RAD51B: variants seen among roughly 807,000 people sequenced by gnomAD.
The protein encoded by RAD51B is DNA repair protein RAD51 homolog 2.
A neutral mutation model predicts 42.2 loss-of-function variants in RAD51B; 38 were observed. The observed-to-expected ratio is 0.90, with a 90% CI of 0.70 to 1.18. RAD51B has a LOEUF of 1.18. Ranked by LOEUF, RAD51B falls within the 50% of genes most tolerant of loss-of-function variation. RAD51B has a pLI of 0.00. For synonymous variants in RAD51B, 154 were observed against 145.2 expected (o/e 1.06, Z -0.43); for missense variants, 373 against 400.7 (o/e 0.93, Z 0.59).
chr14:68,392,290 G>GT (rs2083779584), intron 8 of RAD51B, among the ~76,000 whole-genome samples: 3 of 152,274 alleles, frequency 2.0e-5, no homozygotes, highest in Middle Eastern at 3.4e-3. Flanking sequence ...AGCAAACCCT[G>GT]TTTTTTTGGA....
intron 7 of RAD51B, among the ~76,000 whole-genome samples, chr14:68,281,849 C>T (rs182620896): frequency 6.6e-6 from 1 of 152,292 alleles, no homozygotes; most frequent in Non-Finnish European, 1.5e-5. Context: ...TCCTGAAAGC[C>T]TCACGTTTCC....
chr14:68,600,576 G>A (rs780138476), downstream of RAD51B, among the ~76,000 whole-genome samples: 28 of 152,266 alleles, frequency 1.8e-4, no homozygotes, highest in Admixed American at 4.6e-4. Context: ...CACCCGCTGG[G>A]GCCACAGTAG....
chr14:68,260,658 G>A (rs2080869482), intron 7 of RAD51B, among the ~76,000 whole-genome samples: 2 of 152,114 alleles, frequency 1.3e-5, no homozygotes, highest in South Asian at 2.1e-4. Flanking sequence ...ATCCCTCCGG[G>A]TATAGTCAAG....
chr14:67,842,331 T>C (rs2041457599), intron 4 of RAD51B, among the ~76,000 whole-genome samples: 1 of 152,172 alleles, frequency 6.6e-6, no homozygotes, highest in African/African-American at 2.4e-5. Context: ...AATCATATTG[T>C]CAGTGAAGAG....
intron 7 of RAD51B, among the ~76,000 whole-genome samples, chr14:68,089,388 G>A (rs899275318): frequency 5.9e-5 from 9 of 152,232 alleles, no homozygotes; most frequent in African/African-American, 2.2e-4. Flanking sequence ...AACGGACCCA[G>A]CTCGGAGTCC....
Position 68,478,003 on chromosome 14 carries a change from C to G in RAD51B, c.*339C>G. On this transcript the variant is annotated 3_prime_UTR_variant, in exon 11 of 11. Coordinates refer to ENST00000471583, the MANE Select transcript of RAD51B (RefSeq NM_133510.4). ...GTTTAACCACATTAATTAATTAAAG[C>G]CCACAATCCTCCTGGGGAGAGGAGG... 9.0e-7 allele frequency: 1 copy of G among 1,109,978 alleles called. No homozygotes were observed. Among genetic ancestry groups the G allele is most frequent in the Non-Finnish European group, 1.1e-6 (1 of 909,392 alleles). The allele number at this position is 1,109,978 out of a possible 1,614,324, so 68.8% of individuals were successfully genotyped here.
At chr14:68,389,936 T>C (rs549787831) in intron 8 of RAD51B, among the ~76,000 whole-genome samples, 2 of 152,336 alleles carry the variant, frequency 1.3e-5, no homozygotes, top group African/African-American at 4.8e-5. Flanking sequence ...AACCTAGGTA[T>C]TCTGCGAATA....
intron 7 of RAD51B, among the ~76,000 whole-genome samples, chr14:68,060,339 G>A (rs1383471832): frequency 1.3e-5 from 2 of 152,106 alleles, no homozygotes; most frequent in South Asian, 2.1e-4. Context: ...GTAAGTGGCC[G>A]ACTTCAGAAT....
At chr14:68,373,461 C>G (rs1464728146) in intron 8 of RAD51B, among the ~76,000 whole-genome samples, 2 of 152,104 alleles carry the variant, frequency 1.3e-5, no homozygotes, top group Non-Finnish European at 2.9e-5. Flanking sequence ...GAGTTTATGT[C>G]CTTTTCAGGG....
chr14:68,048,350 C>A (rs193271994), intron 7 of RAD51B, among the ~76,000 whole-genome samples: 218 of 152,280 alleles, frequency 1.4e-3, no homozygotes, highest in Non-Finnish European at 2.5e-3. Flanking sequence ...AGCCCTTTGT[C>A]AGATGAGTAG....
intron 11 of RAD51B, among the ~76,000 whole-genome samples, chr14:68,678,135 C>T (rs1301177582): frequency 3.3e-5 from 5 of 152,208 alleles, no homozygotes; most frequent in Non-Finnish European, 5.9e-5. Context: ...GGTTACATAG[C>T]TAATAAATGG....
At chr14:68,108,081 A>G (rs1473157104) in intron 7 of RAD51B, among the ~76,000 whole-genome samples, 1 of 151,892 alleles carries the variant, frequency 6.6e-6, no homozygotes, top group Admixed American at 6.6e-5. Flanking sequence ...AATATGCTCA[A>G]CAGCATCAGT....
intron 10 of RAD51B, chr14:68,561,907 G>A (rs948893823): frequency 2.3e-5 from 22 of 952,262 alleles, no homozygotes; most frequent in African/African-American, 1.9e-4. Flanking sequence ...TGCAGAGGGC[G>A]AGTGGGAGGA....
intron 7 of RAD51B, among the ~76,000 whole-genome samples, chr14:68,188,872 A>T (rs1215913346): frequency 6.6e-6 from 1 of 152,166 alleles, no homozygotes; most frequent in East Asian, 1.9e-4. Flanking sequence ...GCTGTTCCTC[A>T]TCCTTGTGTT....
chr14:68,488,386 C>A (rs141539224), intron 10 of RAD51B, among the ~76,000 whole-genome samples: 1 of 152,190 alleles, frequency 6.6e-6, no homozygotes, highest in East Asian at 1.9e-4. Flanking sequence ...TCATTCTGAC[C>A]AAACTTGAGT....
At chr14:68,516,963 G>T (rs1013039174) in intron 10 of RAD51B, among the ~76,000 whole-genome samples, 2 of 152,164 alleles carry the variant, frequency 1.3e-5, no homozygotes, top group Admixed American at 1.3e-4. Context: ...AGAAAATACT[G>T]TTAATTATTG....
chr14:68,107,675 G>T (rs947558473), intron 7 of RAD51B, among the ~76,000 whole-genome samples: 1 of 151,688 alleles, frequency 6.6e-6, no homozygotes, highest in Non-Finnish European at 1.5e-5. Flanking sequence ...TTTCATTTTT[G>T]ATTAATTGAA....
At chr14:68,259,986 G>A (rs1429568044) in intron 7 of RAD51B, among the ~76,000 whole-genome samples, 1 of 152,136 alleles carries the variant, frequency 6.6e-6, no homozygotes, top group Non-Finnish European at 1.5e-5. Flanking sequence ...GAAGAATTCA[G>A]ATAATACACA....
At chr14:68,063,741 A>G (rs1394473031) in intron 7 of RAD51B, among the ~76,000 whole-genome samples, 2 of 152,176 alleles carry the variant, frequency 1.3e-5, no homozygotes, top group Admixed American at 6.5e-5. Flanking sequence ...TCTCAAAAAG[A>G]TAAATAAATA....
Sources: gnomAD v4.1 joint callset for allele counts (sites outside exome capture counted in the v4.1 genomes callset) on GRCh38, gnomAD v4.1.1 for gene constraint, MANE v1.5 for transcripts, NCBI Gene and HGNC (gene_info 2026-07-23, HGNC 2026-07-21) for gene names.